BMPR1B: variants seen among roughly 807,000 people sequenced by gnomAD.
BMPR1B encodes bone morphogenetic protein receptor type-1B.
In BMPR1B, 12 loss-of-function variants were observed where a neutral mutation model predicts 59.1. That is an observed-to-expected ratio of 0.20 (90% CI 0.13 to 0.33). BMPR1B has a LOEUF of 0.33. Among genes scored for constraint, BMPR1B ranks in the 10% least tolerant of loss-of-function variants. BMPR1B has a pLI of 1.00. For missense variants in BMPR1B, 550 were observed against 610.9 expected (o/e 0.90, Z 1.05); for synonymous variants, 237 against 207.3 (o/e 1.14, Z -1.23).
intron 1 of BMPR1B, among the ~76,000 whole-genome samples, chr4:94,871,099 G>A (rs1431410426): frequency 6.6e-6 from 1 of 152,120 alleles, no homozygotes; most frequent in African/African-American, 2.4e-5. Context: ...CAATTTTACA[G>A]ATGAGAAAAC....
At chr4:94,800,545 G>A (rs1723368535) in intron 1 of BMPR1B, among the ~76,000 whole-genome samples, 1 of 150,874 alleles carries the variant, frequency 6.6e-6, no homozygotes, top group African/African-American at 2.4e-5. Flanking sequence ...TTGTGGACTA[G>A]GTGGGCAGCT....
chr4:94,816,735 C>T (rs1305361047), intron 1 of BMPR1B, among the ~76,000 whole-genome samples: 1 of 152,124 alleles, frequency 6.6e-6, no homozygotes. Context: ...ACAGAAGCTA[C>T]AGTAACATAA....
chr4:94,890,584 T>G (rs1349609971), intron 2 of BMPR1B, among the ~76,000 whole-genome samples: 1 of 152,074 alleles, frequency 6.6e-6, no homozygotes, highest in Non-Finnish European at 1.5e-5. Flanking sequence ...ACGAAATACT[T>G]TAGAGTGGGT....
chr4:95,039,513 G>T (rs779150446), intron 3 of BMPR1B, among the ~76,000 whole-genome samples: 67 of 149,564 alleles, frequency 4.5e-4, no homozygotes, highest in Non-Finnish European at 6.8e-4. Flanking sequence ...AATCTGTTAT[G>T]TTAGAAAGGC....
rs1052907506 is a variant in BMPR1B, at chr4:95,124,026, T to A, written c.446+120T>A. ...CTTTATTTATCTTAATTAGATCTTA[T>A]AGTTAACTGAAAATGTCTGTTACTG... On this transcript the variant is annotated intron_variant, in intron 7 of 12. Coordinates refer to ENST00000515059, the MANE Select transcript of BMPR1B (RefSeq NM_001203.3). 5.7e-6 allele frequency: 4 copies of A among 697,630 alleles called. No homozygotes were observed. The East Asian group carries it at 8.1e-5, about 14-fold the overall frequency. 43.2% of individuals were successfully genotyped at this position (697,630 alleles called of 1,614,324 possible).
intron 2 of BMPR1B, among the ~76,000 whole-genome samples, chr4:94,976,180 C>T (rs932843761): frequency 2.6e-5 from 4 of 152,128 alleles, no homozygotes; most frequent in Non-Finnish European, 5.9e-5. Flanking sequence ...ATTTGGGCTT[C>T]CTCATAGCAT....
chr4:94,875,500 C>T (rs902307518), intron 1 of BMPR1B, among the ~76,000 whole-genome samples: 5 of 152,220 alleles, frequency 3.3e-5, no homozygotes, highest in Admixed American at 6.5e-5. Flanking sequence ...CTGGCTAACA[C>T]GGTGAAACCC....
At chr4:95,122,883 C>T (rs1732630040) in intron 6 of BMPR1B, among the ~76,000 whole-genome samples, 1 of 152,088 alleles carries the variant, frequency 6.6e-6, no homozygotes, top group Non-Finnish European at 1.5e-5. Context: ...AATTAAATGA[C>T]AGTAATCACT....
At position 94,968,481 on chromosome 4, in the gene BMPR1B, A is replaced by G. The variant is rs372446456; in HGVS notation, c.-112-27559A>G. ...AATATGTTTATTTAACAATTAGTCT[A>G]TCAGACAGCCGAATGTCAATGAGAA... On this transcript the variant is annotated intron_variant, in intron 2 of 12. Coordinates refer to ENST00000515059, the MANE Select transcript of BMPR1B (RefSeq NM_001203.3). 1.3e-4 allele frequency among the ~76,000 whole-genome samples: 20 copies of G among 152,324 alleles called. No homozygotes were observed. The East Asian group carries it at 1.5e-3, about 12-fold the overall frequency.
chr4:95,069,040 G>T (rs1728073302), intron 3 of BMPR1B, among the ~76,000 whole-genome samples: 1 of 152,194 alleles, frequency 6.6e-6, no homozygotes, highest in Non-Finnish European at 1.5e-5. Context: ...AATAGGAAAT[G>T]ACATTATTTT....
chr4:95,086,851 A>T (rs73838023), intron 3 of BMPR1B, among the ~76,000 whole-genome samples: 7,708 of 152,220 alleles, frequency 0.051, 663 homozygotes, highest in African/African-American at 0.18. Flanking sequence ...ACCTCAAAAT[A>T]GTTTTGAAAA....
At chr4:94,950,815 A>C (rs1578840600) in intron 2 of BMPR1B, among the ~76,000 whole-genome samples, 1 of 152,090 alleles carries the variant, frequency 6.6e-6, no homozygotes. Flanking sequence ...AGTTTTCTCT[A>C]ATTCTCTGAA....
chr4:95,125,126 G>C lies in BMPR1B; in HGVS notation c.585+5G>C. The stretch of plus-strand genomic sequence containing the variant: ...GGATCAGGCCTCCCTCTGCTGGTAT[G>C]AGAAGAACACATCTTGAATTTAAAG... On this transcript the variant is annotated splice_donor_5th_base_variant and intron_variant, in intron 8 of 12. Coordinates refer to ENST00000515059, the MANE Select transcript of BMPR1B (RefSeq NM_001203.3). The C allele has an allele frequency of 2.5e-6, 4 of 1,613,550 alleles. No individual in the cohort carries two copies. Among genetic ancestry groups the C allele is most frequent in the Middle Eastern group, 1.7e-4 (1 of 6,056 alleles).
rs1486773720 is a variant in BMPR1B at position 94,907,644 on chromosome 4, G to A, written c.-113+31744G>A. ...GGTAGAGTTAGAGGCTAACTCCACG[G>A]CACCCTAGAGTCCATAGCATGTTGT... On this transcript the variant is annotated intron_variant, in intron 2 of 12. Transcript: ENST00000515059. 2.0e-5 allele frequency among the ~76,000 whole-genome samples: 3 copies of A among 151,852 alleles called. No individual in the cohort carries two copies. In the East Asian group the frequency reaches 5.8e-4, roughly 29 times the overall value.
At chr4:94,931,318 C>T (rs1403438250) in intron 2 of BMPR1B, among the ~76,000 whole-genome samples, 1 of 152,084 alleles carries the variant, frequency 6.6e-6, no homozygotes, top group Non-Finnish European at 1.5e-5. Flanking sequence ...TTTAGTGACT[C>T]CTTTAGACTT....
chr4:95,012,842 GAGA>G (rs1232723897), intron 3 of BMPR1B, among the ~76,000 whole-genome samples: 1 of 152,046 alleles, frequency 6.6e-6, no homozygotes, highest in Non-Finnish European at 1.5e-5. Flanking sequence ...CAATAGTACT[GAGA>G]AGAAGAAACA....
chr4:94,855,643 G>A (rs959179893), intron 1 of BMPR1B, among the ~76,000 whole-genome samples: 57 of 152,320 alleles, frequency 3.7e-4, no homozygotes, highest in African/African-American at 1.3e-3. Flanking sequence ...CTGTTTCTAA[G>A]TCTTCTGGTT....
At chr4:95,014,096 G>T (rs1298835368) in intron 3 of BMPR1B, among the ~76,000 whole-genome samples, 1 of 152,126 alleles carries the variant, frequency 6.6e-6, no homozygotes, top group Non-Finnish European at 1.5e-5. Context: ...TGCTTACAGT[G>T]GTTGTCTGAC....
intron 2 of BMPR1B, among the ~76,000 whole-genome samples, chr4:94,882,954 C>CTGTG (rs375411142): frequency 1.4e-5 from 2 of 146,460 alleles, no homozygotes; most frequent in African/African-American, 2.6e-5. Context: ...CTTTTCTTTC[C>CTGTG]TGTGTGTGTG....
Sources: allele counts gnomAD v4.1 joint callset (sites outside exome capture counted in the v4.1 genomes callset), GRCh38; gene constraint gnomAD v4.1.1; transcripts MANE v1.5; gene names NCBI Gene and HGNC (gene_info 2026-07-23, HGNC 2026-07-21).